FBN2: variants seen among roughly 807,000 people sequenced by gnomAD.
FBN2 encodes fibrillin-2.
Under a neutral mutation model 355.6 loss-of-function variants are expected in FBN2, and 105 were observed. The ratio of observed to expected loss-of-function variants is 0.30; its 90% confidence interval spans 0.25 to 0.35. The LOEUF is 0.35. Among genes scored for constraint, FBN2 ranks in the 10% least tolerant of loss-of-function variants. The pLI is 1.00. For missense variants in FBN2, 3,280 were observed against 3,758.7 expected (o/e 0.87, Z 3.33); for synonymous variants, 1,350 against 1,301.2 (o/e 1.04, Z -0.81).
At chr5:128,473,324 T>C (rs1754922203) in intron 5 of FBN2, among the ~76,000 whole-genome samples, 1 of 152,222 alleles carries the variant, frequency 6.6e-6, no homozygotes, top group African/African-American at 2.4e-5. Context: ...CAATATCTTC[T>C]TGTTGAATTT....
chr5:128,356,619 T>C (rs749217499), intron 20 of FBN2, among the ~76,000 whole-genome samples: 8 of 152,388 alleles, frequency 5.2e-5, no homozygotes, highest in South Asian at 2.1e-4. Flanking sequence ...TGTTCCCTTT[T>C]ACGTGCTGGA....
At chr5:128,324,266 A>T (rs2126880816) in intron 34 of FBN2, among the ~76,000 whole-genome samples, 1 of 152,250 alleles carries the variant, frequency 6.6e-6, no homozygotes, top group Middle Eastern at 3.4e-3. Context: ...TTTTCTTTAA[A>T]GGGTTTATTG....
intron 21 of FBN2, 86 bp downstream of exon 21, chr5:128,350,782 C>T: frequency 1.3e-6 from 2 of 1,488,388 alleles, no homozygotes; most frequent in Non-Finnish European, 1.9e-6. Context: ...ACCTTCTTCA[C>T]TAAGGAACTG....
chr5:128,391,937 T>A (rs1314668741), intron 11 of FBN2, 81 bp downstream of exon 11: 85 of 1,322,614 alleles, frequency 6.4e-5, no homozygotes, highest in Non-Finnish European at 9.0e-5. Flanking sequence ...CTTAAAAAAA[T>A]CATATTCATT....
intron 5 of FBN2, among the ~76,000 whole-genome samples, chr5:128,501,765 A>G (rs1454855534): frequency 6.6e-6 from 1 of 152,172 alleles, no homozygotes; most frequent in Non-Finnish European, 1.5e-5. Context: ...ATATGATTAT[A>G]AAACCATTAC....
intron 56 of FBN2, among the ~76,000 whole-genome samples, chr5:128,279,228 T>C (rs1765472558): frequency 6.6e-6 from 1 of 152,186 alleles, no homozygotes; most frequent in Non-Finnish European, 1.5e-5. Flanking sequence ...TTTTATGAGC[T>C]TGGTACTTAT....
chr5:128,450,882 AATAAC>A (rs1754220476), intron 6 of FBN2, among the ~76,000 whole-genome samples: 1 of 152,166 alleles, frequency 6.6e-6, no homozygotes, highest in Non-Finnish European at 1.5e-5. Flanking sequence ...TTAATTACAA[AATAAC>A]ATATCTCATT....
intron 32 of FBN2, among the ~76,000 whole-genome samples, chr5:128,330,910 T>C (rs1750674997): frequency 6.6e-6 from 1 of 152,218 alleles, no homozygotes; most frequent in Non-Finnish European, 1.5e-5. Context: ...ATTTGTGAGA[T>C]ATCTAGTCAA....
intron 14 of FBN2, among the ~76,000 whole-genome samples, 169 bp downstream of exon 14, chr5:128,376,562 C>T (rs1752082118): frequency 6.6e-6 from 1 of 152,186 alleles, no homozygotes; most frequent in Non-Finnish European, 1.5e-5. Flanking sequence ...CCCTAGACCA[C>T]AATGTGTGTT....
intron 39 of FBN2, among the ~76,000 whole-genome samples, chr5:128,310,394 ATATATATAT>A (rs1281497502): frequency 2.1e-3 from 43 of 20,350 alleles, no homozygotes; most frequent in Admixed American, 6.7e-3. Context: ...ATATATATAT[ATATATATAT>A]TTTTTTTTTT....
In FBN2 at chr5:128,259,223, G is replaced by A; in HGVS notation, c.*232C>T. 1 of 524,600 alleles carries A rather than the reference G, an allele frequency of 1.9e-6. No individual in the cohort carries two copies. The highest frequency in any genetic ancestry group is 3.3e-5 in the East Asian group (1 of 30,414). The allele number at this position is 524,600 out of a possible 1,614,324, so 32.5% of individuals were successfully genotyped here. A position where few individuals can be genotyped will look rare whatever the true frequency, so the allele number is the denominator to read the frequency against. Reference sequence around the variant, plus strand: ...GGTTTCTTTTAATATATTTTAAAATGAAGTTATATAAAAAATACAGTAACC... The same window carrying A: ...GGTTTCTTTTAATATATTTTAAAATAAAGTTATATAAAAAATACAGTAACC... On this transcript the variant is annotated 3_prime_UTR_variant, in exon 65 of 65. Coordinates refer to ENST00000262464, the MANE Select transcript of FBN2 (RefSeq NM_001999.4).
intron 64 of FBN2, among the ~76,000 whole-genome samples, chr5:128,260,187 G>T (rs890240585): frequency 2.6e-5 from 4 of 152,054 alleles, no homozygotes; most frequent in Admixed American, 2.6e-4. Flanking sequence ...TAAAATTTAG[G>T]TAATGATTTT....
intron 5 of FBN2, among the ~76,000 whole-genome samples, chr5:128,489,905 C>G (rs931907683): frequency 6.6e-6 from 1 of 152,154 alleles, no homozygotes; most frequent in African/African-American, 2.4e-5. Flanking sequence ...GAGCATACAT[C>G]TACGGATGTA....
intron 19 of FBN2, among the ~76,000 whole-genome samples, chr5:128,360,877 T>A (rs1435016910): frequency 6.6e-6 from 1 of 151,800 alleles, no homozygotes; most frequent in Admixed American, 6.6e-5. Context: ...AAAGATGAAA[T>A]CTTTTCTTAA....
chr5:128,486,624 CT>C (rs941307365), intron 5 of FBN2, among the ~76,000 whole-genome samples: 1 of 151,412 alleles, frequency 6.6e-6, no homozygotes, highest in East Asian at 1.9e-4. Flanking sequence ...TCCTGCAACT[CT>C]TTTTTTTTAA....
Position 128,311,487 on chromosome 5 carries a change from T to C in FBN2, c.4949-62A>G. 7 of 1,566,078 alleles carry C rather than the reference T, an allele frequency of 4.5e-6. No individual in the cohort carries two copies. In the South Asian group the frequency reaches 7.8e-5, roughly 17 times the overall value. On this transcript the variant is annotated intron_variant, in intron 38 of 64. Transcript: ENST00000262464. ...CTTCACTAAGGATAAGAGTTAATAT[T>C]AGAGCTTTCAAAAGTGTGATCTTGT...
chr5:128,304,191 T>A (rs1749800483), intron 45 of FBN2, among the ~76,000 whole-genome samples: 1 of 152,208 alleles, frequency 6.6e-6, no homozygotes, highest in African/African-American at 2.4e-5. Flanking sequence ...TAATTACAAG[T>A]AGCCAAGTTT....
intron 6 of FBN2, among the ~76,000 whole-genome samples, chr5:128,447,959 A>G (rs2127059212): frequency 6.6e-6 from 1 of 152,312 alleles, no homozygotes; most frequent in South Asian, 2.1e-4. Context: ...CTGTTGCTTC[A>G]GTTGGCTGCA....
chr5:128,416,731 G>GAACA (rs1753210309), intron 7 of FBN2, among the ~76,000 whole-genome samples: 2 of 152,100 alleles, frequency 1.3e-5, no homozygotes, highest in Non-Finnish European at 2.9e-5. Context: ...ATTTATTTCT[G>GAACA]GGTTCTCCTG....
Sources: gnomAD v4.1 joint callset for allele counts (sites outside exome capture counted in the v4.1 genomes callset) on GRCh38, gnomAD v4.1.1 for gene constraint, MANE v1.5 for transcripts, NCBI Gene and HGNC (gene_info 2026-07-23, HGNC 2026-07-21) for gene names.